Variants in DMXL2 observed in about 807,000 individuals in gnomAD.
DMXL2 encodes the protein Dmx like 2.
In DMXL2, 103 loss-of-function variants were observed where a neutral mutation model predicts 331.1. That is an observed-to-expected ratio of 0.31 (90% CI 0.27 to 0.37). The LOEUF (loss-of-function observed/expected upper bound fraction) is 0.37. Ranked by LOEUF, DMXL2 falls within the 10% of genes least tolerant of loss-of-function variation. The pLI is 1.00. For missense variants in DMXL2, 3,171 were observed against 3,642.9 expected (o/e 0.87, Z 3.33); for synonymous variants, 1,281 against 1,252.1 (o/e 1.02, Z -0.49).
intron 14 of DMXL2, among the ~76,000 whole-genome samples, chr15:51,516,461 T>A (rs1263407350): frequency 6.6e-6 from 1 of 152,236 alleles, no homozygotes; most frequent in Non-Finnish European, 1.5e-5. Context: ...AAACTGAGGT[T>A]ACCCTCTATT....
At chr15:51,469,363 T>C (rs1306658096) in intron 29 of DMXL2, among the ~76,000 whole-genome samples, 1 of 152,214 alleles carries the variant, frequency 6.6e-6, no homozygotes, top group Admixed American at 6.5e-5. Flanking sequence ...TATGCTATTA[T>C]CTCTCCTTTT....
intron 6 of DMXL2, among the ~76,000 whole-genome samples, chr15:51,554,912 C>T (rs1217364116): frequency 2.6e-5 from 4 of 152,202 alleles, no homozygotes; most frequent in Non-Finnish European, 2.9e-5. Flanking sequence ...AATCCCAGCA[C>T]TTTGGGAGAC....
At chr15:51,527,094 T>C (rs555119898) in intron 13 of DMXL2, among the ~76,000 whole-genome samples, 8 of 152,206 alleles carry the variant, frequency 5.3e-5, no homozygotes, top group African/African-American at 1.9e-4. Flanking sequence ...AGGCATTTAA[T>C]AATCAAACTC....
intron 23 of DMXL2, among the ~76,000 whole-genome samples, chr15:51,485,815 TA>T (rs1181916645): frequency 1.3e-5 from 2 of 151,976 alleles, no homozygotes; most frequent in Non-Finnish European, 2.9e-5. Flanking sequence ...AATTTCCATT[TA>T]AAAAAAATGG....
rs1038080477 is a variant in DMXL2, at chr15:51,484,317, C to A, written c.5482+1756G>T. ...GTGGCCCCAATCCCAGCCAACCAGA[C>A]CCTAAGCTGGCTGACCCATTGTGTG... On this transcript the variant is annotated intron_variant, in intron 23 of 43. Transcript: ENST00000560891. Among the ~76,000 whole-genome samples the A allele has an allele frequency of 2.0e-5, 3 of 152,350 alleles. No homozygotes were observed. The East Asian group carries it at 5.8e-4, about 29-fold the overall frequency.
intron 3 of DMXL2, among the ~76,000 whole-genome samples, chr15:51,565,986 T>C (rs991742888): frequency 6.6e-6 from 1 of 152,098 alleles, no homozygotes; most frequent in Admixed American, 6.6e-5. Context: ...GACAGGAGGA[T>C]TGCTTAAGGC....
chr15:51,449,270 G>T, intron 43 of DMXL2, 77 bp from the exon 44 acceptor site: 1 of 1,454,704 alleles, frequency 6.9e-7, no homozygotes, highest in African/African-American at 1.4e-5. Context: ...TGCTCCCTTG[G>T]CCCAAGTGAT....
rs1596033627 is a variant in DMXL2 at position 51,503,148 on chromosome 15, G to A, written c.2765-115C>T. On this transcript the variant is annotated intron_variant, in intron 16 of 43. Transcript: ENST00000560891. ...CATAGCTTCTTAAAAGTATTTTGGA[G>A]GTGAGGATATAGAGAAAAGAGAGCT... The A allele has an allele frequency of 6.5e-6, 5 of 768,764 alleles. No homozygotes were observed. In the East Asian group the frequency reaches 1.4e-4, roughly 21 times the overall value. 47.6% of individuals were successfully genotyped at this position (768,764 alleles called of 1,614,324 possible).
At chr15:51,479,417 G>T (rs560183403) in intron 25 of DMXL2, among the ~76,000 whole-genome samples, 2 of 152,282 alleles carry the variant, frequency 1.3e-5, no homozygotes, top group South Asian at 4.1e-4. Context: ...TTCTTGGACT[G>T]TATCAGTTTT....
intron 1 of DMXL2, among the ~76,000 whole-genome samples, chr15:51,586,719 G>A (rs928678138): frequency 6.6e-6 from 1 of 151,970 alleles, no homozygotes; most frequent in Non-Finnish European, 1.5e-5. Context: ...GAAGAAAAAC[G>A]TGTTTTTTTC....
intron 29 of DMXL2, 22 bp downstream of exon 29, chr15:51,471,201 T>C: frequency 5.0e-6 from 8 of 1,600,992 alleles, no homozygotes; most frequent in Non-Finnish European, 6.8e-6. Context: ...CTCTTAAAGC[T>C]TGCATTCCTC....
intron 1 of DMXL2, among the ~76,000 whole-genome samples, chr15:51,614,078 A>G (rs2124877): frequency 0.48 from 72,340 of 152,034 alleles, 17,628 homozygotes; most frequent in Non-Finnish European, 0.52. Context: ...GTTAAATGAG[A>G]TCTTAAGGGT....
chr15:51,475,016 A>C (rs950086519), intron 27 of DMXL2, among the ~76,000 whole-genome samples: 5 of 152,144 alleles, frequency 3.3e-5, no homozygotes, highest in African/African-American at 1.2e-4. Context: ...ATTAATTACA[A>C]AGGAAAAAAA....
intron 6 of DMXL2, among the ~76,000 whole-genome samples, chr15:51,559,388 T>C (rs1398392984): frequency 6.6e-6 from 1 of 152,216 alleles, no homozygotes; most frequent in Non-Finnish European, 1.5e-5. Flanking sequence ...AAAAGGTATT[T>C]AGCCTCATTA....
At chr15:51,542,565 A>T in intron 8 of DMXL2, 58 bp from the exon 9 acceptor site, 1 of 1,317,694 alleles carries the variant, frequency 7.6e-7, no homozygotes, top group Admixed American at 2.1e-5. Flanking sequence ...AATGCCAACC[A>T]AAGTACTCTT....
chr15:51,496,838 C>G (rs1244171717), intron 18 of DMXL2, among the ~76,000 whole-genome samples: 1 of 152,150 alleles, frequency 6.6e-6, no homozygotes, highest in Non-Finnish European at 1.5e-5. Flanking sequence ...AATGGAAGAA[C>G]TCATTTACTT....
At position 51,613,986 on chromosome 15, in the gene DMXL2, T is replaced by C. The variant is rs748166260; in HGVS notation, c.87+8473A>G. On this transcript the variant is annotated intron_variant, in intron 1 of 43. Coordinates refer to ENST00000560891, the MANE Select transcript of DMXL2 (RefSeq NM_001378457.1). ...AACATGTGTTGTGGACTATATTGTG[T>C]AACCCCAAAATTCATAGCTTGAAAC... Among the ~76,000 whole-genome samples, 6 of 152,336 alleles carry C rather than the reference T, an allele frequency of 3.9e-5. No homozygotes were observed. In the South Asian group the frequency reaches 8.3e-4, roughly 21 times the overall value.
chr15:51,499,824 C>T lies in DMXL2; in HGVS notation c.3400G>A (p.Val1134Ile), dbSNP rs200461612. ...TCGACGCTGACCCTTGAATCAAGTA[C>T]ACTCCCAACCTTAACCAAATCATCA... The part of the protein sequence containing the change: ...HLDDLVKVGS[V>I]LDSRVSVDSN... Residue 1134 changes from valine (V) to isoleucine (I), a missense_variant, in exon 18 of 44, where the codon GTA (valine) becomes ATA (isoleucine). Physicochemically the swap from Val to Ile is conservative, Grantham distance 29. This residue lies in a region of DMXL2 where 1,674 missense variants were observed against 1,780.2 expected (regional missense o/e 0.94). Transcript: ENST00000560891. 6 of 1,614,152 alleles carry T rather than the reference C, an allele frequency of 3.7e-6. No individual in the cohort carries two copies. The highest frequency in any genetic ancestry group is 1.7e-5 in the Admixed American group (1 of 60,022).
In DMXL2 at chr15:51,491,048, C is replaced by T. The variant is rs182998461; in HGVS notation, c.4953+530G>A. 1.5e-4 allele frequency among the ~76,000 whole-genome samples: 23 copies of T among 152,254 alleles called. No homozygotes were observed. In the East Asian group the frequency reaches 4.2e-3, roughly 28 times the overall value. ...AATAACAGAAAATATTATTATTCCA[C>T]GGATATATTATAAATTCAGCCTATA... On this transcript the variant is annotated intron_variant, in intron 20 of 43. Transcript: ENST00000560891.
Sources: gnomAD v4.1 joint callset for allele counts (sites outside exome capture counted in the v4.1 genomes callset) on GRCh38, gnomAD v4.1.1 for gene constraint, gnomAD v4.1.1 regional missense constraint, MANE v1.5 for transcripts, NCBI Gene and HGNC (gene_info 2026-07-23, HGNC 2026-07-21) for gene names.